The following ELFN2 variants were observed in gnomAD, a reference collection of about 807,000 sequenced individuals.
ELFN2 encodes the protein extracellular leucine rich repeat and fibronectin type III domain containing 2, also known as protein phosphatase 1 regulatory subunit 29.
A neutral mutation model predicts 45.5 loss-of-function variants in ELFN2; 17 were observed. The observed-to-expected ratio is 0.37, with a 90% confidence interval of 0.26 to 0.56. The LOEUF (loss-of-function observed/expected upper bound fraction) is 0.56. ELFN2 is among the 20% of genes least tolerant of loss of function. The pLI is 0.77. For missense variants in ELFN2, 922 were observed against 1,183.2 expected (o/e 0.78, Z 3.24); for synonymous variants, 550 against 551.5 (o/e 1.00, Z 0.04).
chr22:37,375,773 C>A lies in ELFN2; in HGVS notation c.-239G>T. The A allele has an allele frequency of 1.8e-6, 1 of 563,038 alleles. No individual in the cohort carries two copies. The highest frequency in any genetic ancestry group is 2.4e-5 in the South Asian group (1 of 41,748). The allele number at this position is 563,038 out of a possible 1,614,324, so 34.9% of individuals were successfully genotyped here. Reference sequence around the variant, plus strand: ...GGGGGCCCCACAGCCTGCTCCCCACCGCAGCGTTGCTCCTTGTCTCCTGCT... The same window carrying A: ...GGGGGCCCCACAGCCTGCTCCCCACAGCAGCGTTGCTCCTTGTCTCCTGCT... On this transcript the variant is annotated 5_prime_UTR_variant, in exon 3 of 3. Coordinates refer to ENST00000402918, the MANE Select transcript of ELFN2 (RefSeq NM_052906.5).
At chr22:37,344,511 C>T (rs924451524) in intron 1 of ELFN2, among the ~76,000 whole-genome samples, 1 of 152,006 alleles carries the variant, frequency 6.6e-6, no homozygotes, top group African/African-American at 2.4e-5. Flanking sequence ...CCCCCTGCTG[C>T]CCCCACACAG....
At chr22:37,341,431 C>T (rs1930557330) in intron 2 of ELFN2, among the ~76,000 whole-genome samples, 1 of 152,132 alleles carries the variant, frequency 6.6e-6, no homozygotes, top group South Asian at 2.1e-4. Context: ...CTGGGCCAAG[C>T]CCACTGTGCT....
intron 1 of ELFN2, among the ~76,000 whole-genome samples, chr22:37,419,350 C>CAT (rs1491022296): frequency 6.6e-6 from 1 of 151,842 alleles, no homozygotes; most frequent in Admixed American, 6.6e-5. Flanking sequence ...CACACACACA[C>CAT]ATAGACCTGT....
At chr22:37,407,755 C>A (rs1388511111) in intron 2 of ELFN2, among the ~76,000 whole-genome samples, 1 of 151,856 alleles carries the variant, frequency 6.6e-6, no homozygotes, top group Non-Finnish European at 1.5e-5. Context: ...ATTAGCTGGG[C>A]ATGGTGGCAA....
Position 37,373,983 on chromosome 22 carries a change from C to T in ELFN2, c.1552G>A (p.Glu518Lys), listed in dbSNP as rs199741364. 228 of 1,612,982 alleles carry T rather than the reference C, an allele frequency of 1.4e-4. No homozygotes were observed. In the East Asian group the frequency reaches 3.9e-3, roughly 28 times the overall value. ...TTCTCGAGGTCCGGGAGGTCATCCT[C>T]GGGCCGAGCCAGACCGTCCCCGCCG... Reference protein sequence around the residue: ...GAGGDGLARPEDDLPDLENGQ... With the variant: ...GAGGDGLARPKDDLPDLENGQ... The change falls in exon 3 of 3, where the codon GAG (glutamate) becomes AAG (lysine). Residue 518 changes from glutamate to lysine, a missense_variant. By Grantham distance (56) the Glu-to-Lys change is moderately conservative (BLOSUM62 1). This residue lies in a region of ELFN2 where 564 missense variants were observed against 642.8 expected (regional missense o/e 0.88). Transcript: ENST00000402918.
At chr22:37,426,451 A>G (rs133718) in intron 1 of ELFN2, among the ~76,000 whole-genome samples, 152,143 of 152,148 alleles carry the variant, frequency 1, 76,069 homozygotes, top group Middle Eastern at 1. Flanking sequence ...GCTTGTGTGT[A>G]TACAGACAGA....
chr22:37,346,600 C>T (rs57849710), intron 1 of ELFN2, among the ~76,000 whole-genome samples: 1 of 152,190 alleles, frequency 6.6e-6, no homozygotes, highest in Non-Finnish European at 1.5e-5. Flanking sequence ...AGTTTGGAGA[C>T]TTAATCACTG....
chr22:37,387,045 G>C (rs1931965766), intron 2 of ELFN2, among the ~76,000 whole-genome samples: 1 of 152,226 alleles, frequency 6.6e-6, no homozygotes, highest in Non-Finnish European at 1.5e-5. Context: ...GTGAGGGTCT[G>C]GCGCGTGGCA....
rs777128928 is a variant in ELFN2 at position 37,374,662 on chromosome 22, C to T, written c.873G>A (p.Thr291=). 4.3e-6 allele frequency: 7 copies of T among 1,612,360 alleles called. No homozygotes were observed. Among genetic ancestry groups the T allele is most frequent in the East Asian group, 2.2e-5 (1 of 44,852 alleles). ...LSVEPPASST[T]DASAGPAIKL... The stretch of plus-strand genomic sequence containing the variant: ...TGATGGCTGGCCCTGCCGACGCATC[C>T]GTGGTGGACGAGGCCGGCGGCTCCA... The change falls in exon 3 of 3, where the codon ACG becomes ACA. Residue 291 remains threonine, a synonymous_variant. Transcript: ENST00000402918.
downstream of ELFN2, among the ~76,000 whole-genome samples, chr22:37,364,382 G>A (rs1931157393): frequency 6.6e-6 from 1 of 152,212 alleles, no homozygotes; most frequent in Non-Finnish European, 1.5e-5. Flanking sequence ...AGAGCCGGGG[G>A]TGCAGAGCAA....
chr22:37,403,174 A>G (rs541760234), intron 2 of ELFN2, among the ~76,000 whole-genome samples: 1 of 148,986 alleles, frequency 6.7e-6, no homozygotes, highest in East Asian at 2.0e-4. Context: ...GTATCACTCC[A>G]TGATGCCCCT....
intron 2 of ELFN2, among the ~76,000 whole-genome samples, chr22:37,396,518 T>C (rs1160428816): frequency 6.6e-6 from 1 of 152,204 alleles, no homozygotes; most frequent in Non-Finnish European, 1.5e-5. Flanking sequence ...TGGGGCACTT[T>C]GAAGGAGGTC....
rs1601737024 is a variant in ELFN2, at chr22:37,359,676, G to A, written n.149-16973C>T. ...GGAAATTGAGGCTCTGGAGTTCGGA[G>A]GAGCACTCCAAGGCCCAGTACTGCC... On this transcript the variant is annotated intron_variant and non_coding_transcript_variant, in intron 1 of 2. Coordinates refer to ENST00000452946, the Ensembl canonical transcript of ELFN2. Among the ~76,000 whole-genome samples, 5 of 152,330 alleles carry A rather than the reference G, an allele frequency of 3.3e-5. No homozygotes were observed. In the East Asian group the frequency reaches 5.8e-4, roughly 18 times the overall value.
intron 1 of ELFN2, among the ~76,000 whole-genome samples, chr22:37,422,306 ATGTTATACACG>A (rs1932814443): frequency 6.6e-6 from 1 of 151,992 alleles, no homozygotes; most frequent in African/African-American, 2.4e-5. Flanking sequence ...GCCAGACAGG[ATGTTATACACG>A]TGGTCTTCTC....
At chr22:37,367,729 C>T (rs777370763), downstream of ELFN2, among the ~76,000 whole-genome samples, 1 of 152,172 alleles carries the variant, frequency 6.6e-6, no homozygotes, top group Non-Finnish European at 1.5e-5. Flanking sequence ...CATCAGACGG[C>T]GCAGTGTCTG....
chr22:37,415,797 C>T (rs148247654), intron 2 of ELFN2, among the ~76,000 whole-genome samples: 3,074 of 152,150 alleles, frequency 0.02, 40 homozygotes, highest in Middle Eastern at 0.051. Flanking sequence ...TCCATCTCTA[C>T]TAAAAATACA....
rs133729 is a variant in ELFN2, at chr22:37,422,292, G to A, written c.-613-4373C>T. On this transcript the variant is annotated intron_variant, in intron 1 of 2. Coordinates refer to ENST00000402918, the MANE Select transcript of ELFN2 (RefSeq NM_052906.5). ...AGGGGGAGGAAAATAATGGCATCTCGCATGCCAGACAGGATGTTATACACG... is the reference window on the plus strand; with the variant it reads ...AGGGGGAGGAAAATAATGGCATCTCACATGCCAGACAGGATGTTATACACG... Among the ~76,000 whole-genome samples the A allele has an allele frequency of 9.9e-5, 15 of 151,944 alleles. No homozygotes were observed. In the South Asian group the frequency reaches 2.9e-3, roughly 29 times the overall value.
chr22:37,361,510 GCCCA>G (rs927534724), intron 1 of ELFN2, among the ~76,000 whole-genome samples: 1 of 151,880 alleles, frequency 6.6e-6, no homozygotes, highest in Non-Finnish European at 1.5e-5. Context: ...AGCCTTCCAA[GCCCA>G]CCCTGCTCCT....
Position 37,373,707 on chromosome 22 carries a change from A to G in ELFN2, c.1828T>C (p.Ser610Pro). 1 of 1,555,206 alleles carries G rather than the reference A, an allele frequency of 6.4e-7. No individual in the cohort carries two copies. The highest frequency in any genetic ancestry group is 1.2e-5 in the South Asian group (1 of 81,182). Residue 610 changes from serine to proline, a missense_variant, in exon 3 of 3, where the codon TCC becomes CCC. Coordinates refer to ENST00000402918, the MANE Select transcript of ELFN2 (RefSeq NM_052906.5). ...AGCTGGCGCTGTAGTGGGTGGTGGGAGCTCTCCTTGTAGGGAGGCGAAAGG... is the reference window on the plus strand; with the variant it reads ...AGCTGGCGCTGTAGTGGGTGGTGGGGGCTCTCCTTGTAGGGAGGCGAAAGG... ...SFLSPPYKES[S>P]HHPLQRQLSA...
Sources: gnomAD v4.1 joint callset for allele counts (sites outside exome capture counted in the v4.1 genomes callset) on GRCh38, gnomAD v4.1.1 for gene constraint, gnomAD v4.1.1 regional missense constraint, MANE v1.5 for transcripts, NCBI Gene and HGNC (gene_info 2026-07-23, HGNC 2026-07-21) for gene names.